Variants in MFSD8 observed in about 807,000 individuals in gnomAD.
MFSD8 encodes major facilitator superfamily domain-containing protein 8.
Under a neutral mutation model 66.4 loss-of-function variants are expected in MFSD8, and 55 were observed. That is an observed-to-expected ratio of 0.83 (90% confidence interval 0.67 to 1.04). The LOEUF is 1.04. Among genes scored for constraint, MFSD8 ranks in the 50% least tolerant of loss-of-function variants. MFSD8 has a pLI of 0.00. For synonymous variants in MFSD8, 202 were observed against 212.8 expected (o/e 0.95, Z 0.44); for missense variants, 550 against 627.6 (o/e 0.88, Z 1.32).
chr4:127,932,022 G>A, intron 8 of MFSD8, among the ~76,000 whole-genome samples: 1 of 152,082 alleles, frequency 6.6e-6, no homozygotes, highest in Non-Finnish European at 1.5e-5. Context: ...GAGGCTGGAA[G>A]GTCACCTGAG....
intron 3 of MFSD8, among the ~76,000 whole-genome samples, chr4:127,945,853 T>C (rs1740942294): frequency 6.6e-6 from 1 of 152,020 alleles, no homozygotes. Context: ...CATAAAATTT[T>C]AATTTTCAAA....
rs768725190 is a variant in MFSD8, at chr4:127,949,790, T to A, written c.198+14A>T. The A allele has an allele frequency of 6.2e-7, 1 of 1,609,968 alleles. No homozygotes were observed. The highest frequency in any genetic ancestry group is 1.7e-5 in the Admixed American group (1 of 59,636). On this transcript the variant is annotated intron_variant, in intron 3 of 11. Coordinates refer to ENST00000641686, the MANE Select transcript of MFSD8 (RefSeq NM_001371596.2). ...CTGTAGCTATAAGGGAAAAATAGAT[T>A]GAAATGTACAAACCTTTTGGAGATA...
intron 1 of MFSD8, among the ~76,000 whole-genome samples, chr4:127,962,582 T>G (rs1291784525): frequency 6.7e-6 from 1 of 149,534 alleles, no homozygotes; most frequent in Non-Finnish European, 1.5e-5. Flanking sequence ...GATATTCATT[T>G]TAATGATCTC....
intron 8 of MFSD8, among the ~76,000 whole-genome samples, chr4:127,931,892 TG>T (rs1738198897): frequency 6.6e-6 from 1 of 152,150 alleles, no homozygotes; most frequent in South Asian, 2.1e-4. Flanking sequence ...GCAAATCACT[TG>T]AGCCCAGGAG....
intron 3 of MFSD8, among the ~76,000 whole-genome samples, 176 bp from the exon 4 acceptor site, chr4:127,944,168 T>C (rs1208791153): frequency 6.6e-6 from 1 of 152,208 alleles, no homozygotes; most frequent in Non-Finnish European, 1.5e-5. Context: ...TACAATTAAA[T>C]GTGCTAACAA....
chr4:127,934,047 T>A (rs1027657230), intron 7 of MFSD8, among the ~76,000 whole-genome samples: 1 of 152,144 alleles, frequency 6.6e-6, no homozygotes, highest in Non-Finnish European at 1.5e-5. Flanking sequence ...GAGACCAGCC[T>A]GGCCAACATG....
upstream of MFSD8, chr4:127,965,225 G>A (rs1156384344): frequency 3.3e-6 from 5 of 1,498,326 alleles, no homozygotes; most frequent in Non-Finnish European, 4.6e-6. Flanking sequence ...AAACAAGCCT[G>A]TAAGTGCGCG....
rs565674992 is a variant in MFSD8, at chr4:127,938,780, T to C, written c.754+3A>G. ...TTAATTCAGCCAAATGGGTTAAAAG[T>C]ACCTTCTTCAAAATTAATACTTTTA... On this transcript the variant is annotated splice_donor_region_variant and intron_variant, in intron 7 of 11. Transcript: ENST00000641686. The C allele has an allele frequency of 1.9e-6, 3 of 1,606,748 alleles. No homozygotes were observed. The African/African-American group carries it at 4.0e-5, about 21-fold the overall frequency.
intron 3 of MFSD8, among the ~76,000 whole-genome samples, chr4:127,948,612 G>A (rs1409481686): frequency 1.3e-5 from 2 of 152,138 alleles, no homozygotes; most frequent in Admixed American, 1.3e-4. Context: ...CAAGAATTGA[G>A]GTTGCTGCAG....
intron 9 of MFSD8, among the ~76,000 whole-genome samples, chr4:127,924,938 C>G (rs1419803073): frequency 2.6e-5 from 4 of 152,076 alleles, no homozygotes; most frequent in Non-Finnish European, 5.9e-5. Flanking sequence ...AATAACACCA[C>G]ACATCTACAA....
At chr4:127,957,641 G>T in intron 1 of MFSD8, 49 bp from the exon 2 acceptor site, 1 of 1,262,616 alleles carries the variant, frequency 7.9e-7, no homozygotes, top group Non-Finnish European at 1.2e-6. Context: ...CATTACATGT[G>T]GATCTTAAGT....
intron 9 of MFSD8, among the ~76,000 whole-genome samples, chr4:127,927,352 A>G (rs1737381293): frequency 6.6e-6 from 1 of 151,952 alleles, no homozygotes; most frequent in African/African-American, 2.4e-5. Context: ...ATTTTTGTGT[A>G]TTTAGTTACG....
intron 7 of MFSD8, among the ~76,000 whole-genome samples, chr4:127,935,186 T>C (rs1175102412): frequency 3.0e-4 from 46 of 152,180 alleles, no homozygotes; most frequent in Non-Finnish European, 1.8e-4. Context: ...TTGCCAGGGG[T>C]AGGCCCTGAT....
chr4:127,964,235 C>A (rs1290526223), intron 1 of MFSD8, among the ~76,000 whole-genome samples: 2 of 152,246 alleles, frequency 1.3e-5, no homozygotes, highest in African/African-American at 4.8e-5. Flanking sequence ...GCCGTGCACC[C>A]GCACTCCTCA....
chr4:127,949,164 T>A (rs952155213), intron 3 of MFSD8, among the ~76,000 whole-genome samples: 2 of 152,236 alleles, frequency 1.3e-5, no homozygotes, highest in Non-Finnish European at 2.9e-5. Context: ...GAGGAACTCT[T>A]TAAGAACCTT....
upstream of MFSD8, chr4:127,965,359 C>T (rs1384348714): frequency 4.9e-6 from 3 of 615,726 alleles, no homozygotes; most frequent in Admixed American, 5.4e-5. Context: ...GCACGCGCCT[C>T]CCATCCTGAC....
intron 3 of MFSD8, among the ~76,000 whole-genome samples, chr4:127,944,474 A>G (rs1740707415): frequency 6.6e-6 from 1 of 152,182 alleles, no homozygotes; most frequent in African/African-American, 2.4e-5. Context: ...GATGATAGAC[A>G]ATTATCTCAA....
Position 127,939,923 on chromosome 4 carries a change from A to C in MFSD8, c.628T>G (p.Tyr210Asp). 1 of 1,613,634 alleles carries C rather than the reference A, an allele frequency of 6.2e-7. No individual in the cohort carries two copies. The highest frequency in any genetic ancestry group is 8.5e-7 in the Non-Finnish European group (1 of 1,179,716). Residue 210 changes from tyrosine to aspartate, a missense_variant, in exon 6 of 12, where the codon TAT becomes GAT. Physicochemically the swap from Tyr to Asp is radical, Grantham distance 160 (BLOSUM62 -3). Coordinates refer to ENST00000641686, the MANE Select transcript of MFSD8 (RefSeq NM_001371596.2). ...GCGCTAAGTAAAACTGGTGTTGTAT[A>C]CATGTTTATCTGCAGTTTAATCACA... Reference protein sequence around the residue: ...WDVIKLQINMYTTPVLLSAFL... With the variant: ...WDVIKLQINMDTTPVLLSAFL...
At chr4:127,956,834 A>AC (rs1205754979) in intron 2 of MFSD8, among the ~76,000 whole-genome samples, 2 of 152,054 alleles carry the variant, frequency 1.3e-5, no homozygotes, top group Non-Finnish European at 2.9e-5. Flanking sequence ...AAAAAAAAAA[A>AC]AAAGATGAAA....
Sources: allele counts gnomAD v4.1 joint callset (sites outside exome capture counted in the v4.1 genomes callset), GRCh38; gene constraint gnomAD v4.1.1; transcripts MANE v1.5; gene names NCBI Gene and HGNC (gene_info 2026-07-23, HGNC 2026-07-21).